The following KCNMA1 variants were observed in gnomAD, a reference collection of about 807,000 sequenced individuals.
The protein encoded by KCNMA1 is Calcium-activated potassium channel subunit alpha-1.
In KCNMA1, 29 loss-of-function variants were observed where a neutral mutation model predicts 140.0. The observed-to-expected ratio is 0.21, with a 90% CI of 0.15 to 0.28. The LOEUF (loss-of-function observed/expected upper bound fraction) is 0.28, where lower values mean the gene tolerates loss of function less well. Ranked by LOEUF, KCNMA1 falls within the 10% of genes least tolerant of loss-of-function variation. The pLI, the probability that KCNMA1 is intolerant of heterozygous loss-of-function variation, is 1.00. For synonymous variants in KCNMA1, 612 were observed against 611.9 expected, an observed-to-expected ratio of 1.00 and a Z score of 0.00; for missense variants, 880 against 1,602.2, an observed-to-expected ratio of 0.55 and a Z score of 7.70.
At chr10:77,084,340 C>T (rs1337849696) in intron 12 of KCNMA1, among the ~76,000 whole-genome samples, 2 of 152,316 alleles carry the variant, frequency 1.3e-5, no homozygotes, top group East Asian at 1.9e-4. Context: ...CAGGCCAGCA[C>T]CCATCTCAAT....
At chr10:77,570,583 GT>G (rs2070701931) in intron 1 of KCNMA1, among the ~76,000 whole-genome samples, 1 of 59,412 alleles carries the variant, frequency 1.7e-5, no homozygotes, top group Non-Finnish European at 3.6e-5. Flanking sequence ...TCTGGGGACT[GT>G]TGTGGGGTAG....
intron 2 of KCNMA1, among the ~76,000 whole-genome samples, chr10:77,399,818 C>T (rs1603468249): frequency 6.6e-6 from 1 of 152,252 alleles, no homozygotes; most frequent in South Asian, 2.1e-4. Context: ...TTGAACAGTG[C>T]CAGGTACAGA....
intron 2 of KCNMA1, among the ~76,000 whole-genome samples, chr10:77,389,778 C>T (rs534197332): frequency 2.9e-4 from 44 of 152,250 alleles, no homozygotes; most frequent in African/African-American, 9.4e-4. Context: ...ATGCTTCTAC[C>T]TATAGGCTTT....
At chr10:77,322,056 T>G (rs1199114787) in intron 2 of KCNMA1, among the ~76,000 whole-genome samples, 1 of 152,202 alleles carries the variant, frequency 6.6e-6, no homozygotes, top group African/African-American at 2.4e-5. Context: ...CCAACACAGC[T>G]TCCTTTAAAG....
intron 1 of KCNMA1, among the ~76,000 whole-genome samples, chr10:77,415,952 A>G (rs367553230): frequency 1.1e-4 from 17 of 152,344 alleles, no homozygotes; most frequent in African/African-American, 4.1e-4. Context: ...TGAAATGACA[A>G]TGGTGGCAGA....
intron 23 of KCNMA1, among the ~76,000 whole-genome samples, chr10:76,941,817 A>G (rs1295385436): frequency 2.6e-5 from 4 of 152,136 alleles, no homozygotes; most frequent in Admixed American, 6.5e-5. Context: ...TAGACAACAG[A>G]TATTTATTTC....
At chr10:77,248,002 C>T (rs557725359) in intron 3 of KCNMA1, among the ~76,000 whole-genome samples, 84 of 152,212 alleles carry the variant, frequency 5.5e-4, no homozygotes, top group African/African-American at 2.0e-3. Flanking sequence ...AGAAAACGCC[C>T]TATGCTGGGA....
chr10:77,313,123 T>C (rs2079790201), intron 2 of KCNMA1, among the ~76,000 whole-genome samples: 1 of 152,170 alleles, frequency 6.6e-6, no homozygotes, highest in African/African-American at 2.4e-5. Flanking sequence ...GACTCCGCGT[T>C]GGTCTGTGAT....
chr10:77,114,743 T>C (rs1027827066), intron 6 of KCNMA1, among the ~76,000 whole-genome samples: 1 of 152,238 alleles, frequency 6.6e-6, no homozygotes, highest in African/African-American at 2.4e-5. Context: ...TTGATCCTAC[T>C]GACTTAAGAT....
intron 1 of KCNMA1, among the ~76,000 whole-genome samples, chr10:77,466,426 T>C (rs906528968): frequency 6.6e-6 from 1 of 152,178 alleles, no homozygotes; most frequent in African/African-American, 2.4e-5. Context: ...TCACTCAGTC[T>C]TTCAACAAAC....
intron 18 of KCNMA1, among the ~76,000 whole-genome samples, chr10:77,008,432 G>A (rs1261600779): frequency 6.6e-6 from 1 of 152,126 alleles, no homozygotes; most frequent in Non-Finnish European, 1.5e-5. Context: ...GTAAATAGTA[G>A]ACCCTGAGAA....
At chr10:77,061,931 A>T (rs969911437) in intron 14 of KCNMA1, among the ~76,000 whole-genome samples, 2 of 152,226 alleles carry the variant, frequency 1.3e-5, no homozygotes, top group Non-Finnish European at 2.9e-5. Context: ...TGATGCCTTT[A>T]CATGACAGAC....
chr10:77,411,869 G>C (rs1051035322), intron 1 of KCNMA1, among the ~76,000 whole-genome samples: 7 of 152,172 alleles, frequency 4.6e-5, no homozygotes, highest in African/African-American at 1.2e-4. Context: ...CCAAGCTGAC[G>C]GGCTGTGAAG....
intron 2 of KCNMA1, among the ~76,000 whole-genome samples, chr10:77,271,097 A>C (rs2064998301): frequency 3.3e-5 from 5 of 152,226 alleles, no homozygotes; most frequent in Admixed American, 2.0e-4. Context: ...GCATCTTGTG[A>C]AAATTAGTCC....
chr10:77,012,254 C>G (rs2090970386), intron 17 of KCNMA1: 9 of 1,462,082 alleles, frequency 6.2e-6, no homozygotes, highest in Non-Finnish European at 8.1e-6. Flanking sequence ...AGTTAGTGCT[C>G]CTTTTCATAA....
chr10:77,380,888 A>C (rs2095359475), intron 2 of KCNMA1, among the ~76,000 whole-genome samples: 1 of 152,228 alleles, frequency 6.6e-6, no homozygotes, highest in Admixed American at 6.5e-5. Context: ...AAATGAAATG[A>C]CTTTTCCATT....
intron 1 of KCNMA1, among the ~76,000 whole-genome samples, chr10:77,495,214 T>C (rs1045925009): frequency 3.3e-5 from 5 of 151,954 alleles, no homozygotes; most frequent in African/African-American, 1.2e-4. Context: ...TGGAACAGAG[T>C]CCCAAGAAGT....
At chr10:77,011,924 A>G (rs1408380324) in intron 18 of KCNMA1, 43 bp downstream of exon 18, 1 of 1,520,870 alleles carries the variant, frequency 6.6e-7, no homozygotes. Context: ...TTTGGGGAAT[A>G]GGAATGAGAA....
chr10:77,242,923 C>CACACACACAT (rs1159379425), intron 3 of KCNMA1, among the ~76,000 whole-genome samples: 18 of 151,910 alleles, frequency 1.2e-4, no homozygotes, highest in African/African-American at 4.3e-4. Flanking sequence ...CACACACACA[C>CACACACACAT]ACACACACAC....
Sources: gnomAD v4.1 joint callset for allele counts (sites outside exome capture counted in the v4.1 genomes callset) on GRCh38, gnomAD v4.1.1 for gene constraint, MANE v1.5 for transcripts, NCBI Gene and HGNC (gene_info 2026-07-23, HGNC 2026-07-21) for gene names.